The following PRRT3 variants were observed in gnomAD, a reference collection of about 807,000 sequenced individuals.
PRRT3 encodes proline rich transmembrane protein 3, also known as proline-rich transmembrane protein 3.
Under a neutral mutation model 56.6 loss-of-function variants are expected in PRRT3, and 48 were observed. That is an observed-to-expected ratio of 0.85 (90% CI 0.67 to 1.08). The LOEUF (loss-of-function observed/expected upper bound fraction) is 1.08. Ranked by LOEUF, PRRT3 falls within the 50% of genes least tolerant of loss-of-function variation. The pLI is 0.00. For synonymous variants in PRRT3, 641 were observed against 619.1 expected (o/e 1.04, Z -0.52); for missense variants, 1,370 against 1,353.1 (o/e 1.01, Z -0.20).
rs758845473 is a variant in PRRT3 at position 9,946,436 on chromosome 3, T to C, written c.2737A>G (p.Lys913Glu). Residue 913 changes from lysine to glutamate, a missense_variant, in exon 4 of 4, where the codon AAG becomes GAG. Physicochemically the swap from Lys to Glu is moderately conservative, Grantham distance 56. Coordinates refer to ENST00000412055, the MANE Select transcript of PRRT3 (RefSeq NM_207351.5). This position sits in a 1 kb window ranked among gnomAD's most constrained non-coding sequence, Gnocchi z 4.1. ...TGGCGCCAGGGGTTCCAACTGATCT[T>C]GAGTGAACCCCTGGAGAAGCTGTCG... Reference protein sequence around the residue: ...SLDSFSRGSLKISWNPWRHGL... With the variant: ...SLDSFSRGSLEISWNPWRHGL... 1 of 1,595,234 alleles carries C rather than the reference T, an allele frequency of 6.3e-7. No individual in the cohort carries two copies. The highest frequency in any genetic ancestry group is 8.5e-7 in the Non-Finnish European group (1 of 1,171,134).
Position 9,949,931 on chromosome 3 carries a change from G to A in PRRT3, c.185C>T (p.Pro62Leu), listed in dbSNP as rs371615441. 2.4e-5 allele frequency: 39 copies of A among 1,608,516 alleles called. No homozygotes were observed. The highest frequency in any genetic ancestry group is 6.7e-5 in the African/African-American group (5 of 74,622). Residue 62 changes from proline (P) to leucine (L), a missense_variant, in exon 2 of 4, where the codon CCG (proline) becomes CTG (leucine). Physicochemically the swap from Pro to Leu is moderately conservative, Grantham distance 98 (BLOSUM62 -3). Transcript: ENST00000412055. This position sits in a 1 kb window ranked among gnomAD's most constrained non-coding sequence, Gnocchi z 4.5. Reference sequence around the variant, plus strand: ...GTGACTGTCAGCTCTGGGGTTCTCCGGGAACACGTCAAAGGCCTGGGGCTC... The same window carrying A: ...GTGACTGTCAGCTCTGGGGTTCTCCAGGAACACGTCAAAGGCCTGGGGCTC... ...GSEPQAFDVF[P>L]ENPRADSHRN... is the part of the protein sequence containing the mutation.
At position 9,949,608 on chromosome 3, in the gene PRRT3, G is replaced by A. The variant is rs2085588969; in HGVS notation, c.508C>T (p.Pro170Ser). 6.2e-7 allele frequency: 1 copy of A among 1,614,166 alleles called. No individual in the cohort carries two copies. Among genetic ancestry groups the A allele is most frequent in the East Asian group, 2.2e-5 (1 of 44,878 alleles). The change falls in exon 2 of 4, where the codon CCC becomes TCC. Residue 170 changes from proline (P) to serine (S), a missense_variant. Physicochemically the swap from Pro to Ser is moderately conservative, Grantham distance 74 (BLOSUM62 -1). Coordinates refer to ENST00000412055, the MANE Select transcript of PRRT3 (RefSeq NM_207351.5). This position sits in a 1 kb window ranked among gnomAD's most constrained non-coding sequence, Gnocchi z 4.5. The stretch of plus-strand genomic sequence containing the variant: ...TCTTGGCCTTCATGCTGCAGGGAGG[G>A]AGGAACTGTGGCTACCCTGAGTTGA... ...RRQLRVATVP[P>S]SLQHEGQEGQ...
At chr3:9,950,424 C>T (rs1054588308) in intron 1 of PRRT3, among the ~76,000 whole-genome samples, 1 of 151,764 alleles carries the variant, frequency 6.6e-6, no homozygotes, top group Admixed American at 6.6e-5. Context: ...CCAACACCCA[C>T]TGGACTGTGT....
intron 3 of PRRT3, 36 bp downstream of exon 3, chr3:9,948,722 G>A: frequency 6.2e-7 from 1 of 1,612,804 alleles, no homozygotes; most frequent in Non-Finnish European, 8.5e-7. Flanking sequence ...ACTAGACAGA[G>A]CACTCCCTCT....
At position 9,949,829 on chromosome 3, in the gene PRRT3, A is replaced by G. The variant is rs368920279; in HGVS notation, c.287T>C (p.Leu96Pro). The G allele has an allele frequency of 5.0e-6, 8 of 1,614,008 alleles. No individual in the cohort carries two copies. In the African/African-American group the frequency reaches 9.3e-5, roughly 19 times the overall value. The change falls in exon 2 of 4, where the codon CTG becomes CCG. Residue 96 changes from leucine (L) to proline (P), a missense_variant. Transcript: ENST00000412055. The surrounding 1 kb of genome is among the most constrained non-coding windows in gnomAD (Gnocchi z 4.5). Reference protein sequence around the residue: ...KPVASPLGPALYGPKAAQGAQ... With the variant: ...KPVASPLGPAPYGPKAAQGAQ... ...TCCTTGTGCTGCTTTGGGCCCGTAC[A>G]GGGCTGGGCCAAGGGGAGAGGCTAC...
chr3:9,949,467 T>C lies in PRRT3; in HGVS notation c.649A>G (p.Thr217Ala), dbSNP rs558715809. 1 of 1,614,092 alleles carries C rather than the reference T, an allele frequency of 6.2e-7. No individual in the cohort carries two copies. The highest frequency in any genetic ancestry group is 8.5e-7 in the Non-Finnish European group (1 of 1,180,002). Residue 217 changes from threonine to alanine, a missense_variant, in exon 2 of 4, where the codon ACT becomes GCT. Thr to Ala is a moderately conservative substitution (Grantham distance 58). Coordinates refer to ENST00000412055, the MANE Select transcript of PRRT3 (RefSeq NM_207351.5). This position sits in a 1 kb window ranked among gnomAD's most constrained non-coding sequence, Gnocchi z 4.5. ...CCTTCCAGCACTGGCCTCTTGACAGTACCTGAGTGGGAAACAAGGGTGTGG... is the reference window on the plus strand; with the variant it reads ...CCTTCCAGCACTGGCCTCTTGACAGCACCTGAGTGGGAAACAAGGGTGTGG... ...PPHTLVSHSG[T>A]VKRPVLEGQG...
Position 9,946,851 on chromosome 3 carries a change from C to G in PRRT3, c.2322G>C (p.Ser774=), listed in dbSNP as rs1296618709. Residue 774 remains serine, a synonymous_variant, in exon 4 of 4, where the codon TCG becomes TCC. Coordinates refer to ENST00000412055, the MANE Select transcript of PRRT3 (RefSeq NM_207351.5). This position sits in a 1 kb window ranked among gnomAD's most constrained non-coding sequence, Gnocchi z 4.1. ...LATPSSGAWG[S]AASLGRGPQG... ...GGGGTCCGCGACCCAACGACGCAGC[C>G]GAGCCCCAGGCGCCTGAACTGGGCG... The G allele has an allele frequency of 6.5e-7, 1 of 1,539,258 alleles. No homozygotes were observed. Among genetic ancestry groups the G allele is most frequent in the Non-Finnish European group, 8.7e-7 (1 of 1,148,456 alleles).
chr3:9,947,248 A>T lies in PRRT3; in HGVS notation c.1925T>A (p.Val642Glu), dbSNP rs538339141. The T allele has an allele frequency of 1.1e-4, 161 of 1,500,970 alleles. No individual in the cohort carries two copies. The highest frequency in any genetic ancestry group is 1.4e-4 in the Non-Finnish European group (154 of 1,133,594). The allele number at this position is 1,500,970 out of a possible 1,614,324, so 93.0% of individuals were successfully genotyped here. The stretch of plus-strand genomic sequence containing the variant: ...AGCCAGCAGCCCCAGCGCGCCCGCC[A>T]CAGCCAACAGCCGAGGGCCCGGGCT... ...DASPGPRLLA[V>E]AGALGLLASG... The change falls in exon 4 of 4, where the codon GTG becomes GAG. Residue 642 changes from valine (V) to glutamate (E), a missense_variant. Physicochemically the swap from Val to Glu is moderately radical, Grantham distance 121. Transcript: ENST00000412055. The surrounding 1 kb of genome is among the most constrained non-coding windows in gnomAD (Gnocchi z 9.2).
At position 9,949,114 on chromosome 3, in the gene PRRT3, C is replaced by T. The variant is rs1379516415; in HGVS notation, c.1002G>A (p.Arg334=). 1.2e-6 allele frequency: 2 copies of T among 1,604,448 alleles called. No individual in the cohort carries two copies. The highest frequency in any genetic ancestry group is 1.7e-6 in the Non-Finnish European group (2 of 1,177,090). Residue 334 remains arginine, a synonymous_variant, in exon 2 of 4, where the codon CGG becomes CGA. Coordinates refer to ENST00000412055, the MANE Select transcript of PRRT3 (RefSeq NM_207351.5). This position sits in a 1 kb window ranked among gnomAD's most constrained non-coding sequence, Gnocchi z 4.5. The part of the protein sequence containing the change: ...TDPPASEAPD[R]PSKPERAAMN... ...ATTGATACCCACCTGGCTTAGACGG[C>T]CGATCAGGAGCCTCTGAGGCGGGTG...
In PRRT3 at chr3:9,946,663, C is replaced by T. The variant is rs1331576796; in HGVS notation, c.2510G>A (p.Arg837His). The T allele has an allele frequency of 7.1e-7, 1 of 1,401,968 alleles. No homozygotes were observed. The highest frequency in any genetic ancestry group is 1.6e-5 in the South Asian group (1 of 63,124). 86.8% of individuals were successfully genotyped at this position (1,401,968 alleles called of 1,614,324 possible). The change falls in exon 4 of 4, where the codon CGC becomes CAC. Residue 837 changes from arginine (R) to histidine (H), a missense_variant. Arg to His is a conservative substitution (Grantham distance 29, BLOSUM62 0). Transcript: ENST00000412055. The surrounding 1 kb of genome is among the most constrained non-coding windows in gnomAD (Gnocchi z 4.1). Reference protein sequence around the residue: ...RDSVFQRCGLRGLASPPPGGA... With the variant: ...RDSVFQRCGLHGLASPPPGGA... ...TCCAGGCGGCGGGGAGGCCAGGCCG[C>T]GGAGGCCGCAGCGCTGGAACACACT...
rs748716823 is a variant in PRRT3, at chr3:9,947,868, C to T, written c.1305G>A (p.Glu435=). The part of the protein sequence containing the change: ...QRALGQPPPP[E]PTASSMASAP... ...CTGAAGCCATGGAGCTGGCGGTGGG[C>T]TCCGGAGGGGGAGGCTGGCCCAGGG... The change falls in exon 4 of 4, where the codon GAG becomes GAA. Residue 435 remains glutamate, a synonymous_variant. Transcript: ENST00000412055. This position sits in a 1 kb window ranked among gnomAD's most constrained non-coding sequence, Gnocchi z 9.2. 7.0e-7 allele frequency: 1 copy of T among 1,427,148 alleles called. No homozygotes were observed. Among genetic ancestry groups the T allele is most frequent in the Admixed American group, 3.2e-5 (1 of 31,438 alleles). The allele number at this position is 1,427,148 out of a possible 1,614,324, so 88.4% of individuals were successfully genotyped here. A position where few individuals can be genotyped will look rare whatever the true frequency, so the allele number is the denominator to read the frequency against.
chr3:9,946,679 G>T lies in PRRT3; in HGVS notation c.2494C>A (p.Gln832Lys). 1 of 1,431,950 alleles carries T rather than the reference G, an allele frequency of 7.0e-7. No homozygotes were observed. The highest frequency in any genetic ancestry group is 9.1e-7 in the Non-Finnish European group (1 of 1,102,810). 88.7% of individuals were successfully genotyped at this position (1,431,950 alleles called of 1,614,324 possible). A position where few individuals can be genotyped will look rare whatever the true frequency, so the allele number is the denominator to read the frequency against. The part of the protein sequence containing the change: ...REHLVRDSVF[Q>K]RCGLRGLASP... ...GCCAGGCCGCGGAGGCCGCAGCGCT[G>T]GAACACACTGTCTCGCACTAGGTGC... The change falls in exon 4 of 4, where the codon CAG (glutamine) becomes AAG (lysine). Residue 832 changes from glutamine (Q) to lysine (K), a missense_variant. Transcript: ENST00000412055. The surrounding 1 kb of genome is among the most constrained non-coding windows in gnomAD (Gnocchi z 4.1).
chr3:9,949,073 A>G lies in PRRT3; in HGVS notation c.1015+28T>C. On this transcript the variant is annotated intron_variant, in intron 2 of 3. Coordinates refer to ENST00000412055, the MANE Select transcript of PRRT3 (RefSeq NM_207351.5). The surrounding 1 kb of genome is among the most constrained non-coding windows in gnomAD (Gnocchi z 4.5). ...TTGAGGCATCCAGCTGCCCCAGAAC[A>G]TCGCTCAGCACACTCATTGATACCC... 6.4e-7 allele frequency: 1 copy of G among 1,557,288 alleles called. No individual in the cohort carries two copies. Among genetic ancestry groups the G allele is most frequent in the Non-Finnish European group, 8.6e-7 (1 of 1,158,096 alleles).
chr3:9,948,345 C>G, intron 3 of PRRT3: 1 of 348,566 alleles, frequency 2.9e-6, no homozygotes, highest in East Asian at 4.4e-5. Context: ...TTCTTTTTTT[C>G]TTTTGACAGG....
chr3:9,951,177 C>T (rs1048833348), intron 1 of PRRT3, among the ~76,000 whole-genome samples: 2 of 152,152 alleles, frequency 1.3e-5, no homozygotes, highest in Non-Finnish European at 2.9e-5. Context: ...CCTGGCCCCA[C>T]GTGGATATCC....
At chr3:9,950,685 T>C (rs1286899174) in intron 1 of PRRT3, among the ~76,000 whole-genome samples, 1 of 152,208 alleles carries the variant, frequency 6.6e-6, no homozygotes, top group Non-Finnish European at 1.5e-5. Context: ...ATATTTTTAA[T>C]AGAGATGGGG....
chr3:9,946,551 C>A lies in PRRT3; in HGVS notation c.2622G>T (p.Ser874=). 1 of 1,430,196 alleles carries A rather than the reference C, an allele frequency of 7.0e-7. No homozygotes were observed. Among genetic ancestry groups the A allele is most frequent in the Non-Finnish European group, 9.2e-7 (1 of 1,091,374 alleles). The allele number at this position is 1,430,196 out of a possible 1,614,324, so 88.6% of individuals were successfully genotyped here. A position where few individuals can be genotyped will look rare whatever the true frequency, so the allele number is the denominator to read the frequency against. ...GSSLLRGRCR[S]LSDVRVRGPV... ...GCCCGCGCACGCGCACGTCGCTGAGCGACCTGCAGCGGCCGCGGAGGAGCG... is the reference window on the plus strand; with the variant it reads ...GCCCGCGCACGCGCACGTCGCTGAGAGACCTGCAGCGGCCGCGGAGGAGCG... The change falls in exon 4 of 4, where the codon TCG becomes TCT. Residue 874 remains serine, a synonymous_variant. Coordinates refer to ENST00000412055, the MANE Select transcript of PRRT3 (RefSeq NM_207351.5). The surrounding 1 kb of genome is among the most constrained non-coding windows in gnomAD (Gnocchi z 4.1).
intron 3 of PRRT3, chr3:9,948,236 T>TA: frequency 2.5e-6 from 1 of 398,504 alleles, no homozygotes; most frequent in Non-Finnish European, 4.4e-6. Flanking sequence ...ATCAGGGAGG[T>TA]AGTACCCCAG....
chr3:9,946,533 C>T lies in PRRT3; in HGVS notation c.2640G>A (p.Val880=), dbSNP rs1020538527. The T allele has an allele frequency of 4.8e-6, 7 of 1,469,062 alleles. No homozygotes were observed. Among genetic ancestry groups the T allele is most frequent in the African/African-American group, 2.9e-5 (2 of 68,320 alleles). 91.0% of individuals were successfully genotyped at this position (1,469,062 alleles called of 1,614,324 possible). The change falls in exon 4 of 4, where the codon GTG becomes GTA. Residue 880 remains valine, a synonymous_variant. Transcript: ENST00000412055. This position sits in a 1 kb window ranked among gnomAD's most constrained non-coding sequence, Gnocchi z 4.1. ...CTACGTGCTGTGGGACCGGCCCGCG[C>T]ACGCGCACGTCGCTGAGCGACCTGC... is the stretch of plus-strand genomic sequence containing the variant. The part of the protein sequence containing the change: ...GRCRSLSDVR[V]RGPVPQHVVE...
Sources: allele counts gnomAD v4.1 joint callset (sites outside exome capture counted in the v4.1 genomes callset), GRCh38; gene constraint gnomAD v4.1.1; non-coding constraint Gnocchi (gnomAD v3.1); transcripts MANE v1.5; gene names NCBI Gene and HGNC (gene_info 2026-07-23, HGNC 2026-07-21).